Variants in PRKAR1A observed in about 807,000 individuals in gnomAD.
PRKAR1A encodes cAMP-dependent protein kinase type I-alpha regulatory subunit.
Under a neutral mutation model 52.0 loss-of-function variants are expected in PRKAR1A, and 3 were observed. That is an observed-to-expected ratio of 0.06 (90% CI 0.03 to 0.15). PRKAR1A has a LOEUF of 0.15. Ranked by LOEUF, PRKAR1A falls within the 10% of genes least tolerant of loss-of-function variation. The pLI is 1.00. For missense variants in PRKAR1A, 240 were observed against 477.4 expected, an observed-to-expected ratio of 0.50 and a Z score of 4.63; for synonymous variants, 188 against 168.4, an observed-to-expected ratio of 1.12 and a Z score of -0.90.
At chr17:68,451,048 G>A in the PRKAR1A span, 6 of 1,104,052 alleles carry the variant, frequency 5.4e-6, no homozygotes, top group Non-Finnish European at 7.5e-6. Context: ...CATTGACAGT[G>A]ATCCACCATG....
intron 11 of PRKAR1A, among the ~76,000 whole-genome samples, chr17:68,546,746 C>T (rs1290033465): frequency 1.4e-5 from 2 of 146,306 alleles, no homozygotes; most frequent in African/African-American, 2.5e-5. Flanking sequence ...AGGAGAATGG[C>T]GTGAACCCGG....
chr17:68,444,446 C>T, the PRKAR1A span: 30 of 1,548,420 alleles, frequency 1.9e-5, no homozygotes, highest in Admixed American at 3.6e-4. Context: ...GAAAGAAGCA[C>T]CAGGACATGA....
chr17:68,465,909 G>A, the PRKAR1A span, among the ~76,000 whole-genome samples: 11 of 152,246 alleles, frequency 7.2e-5, no homozygotes, highest in Middle Eastern at 3.4e-3. Flanking sequence ...CCAGGTGAGA[G>A]GCTGGTATGT....
chr17:68,518,525 T>C (rs1364171454), intron 2 of PRKAR1A, among the ~76,000 whole-genome samples: 3 of 152,204 alleles, frequency 2.0e-5, no homozygotes, highest in African/African-American at 7.2e-5. Context: ...AGCTGTACCT[T>C]TTAGCCAAGA....
At chr17:68,543,461 G>A (rs574079878) in intron 11 of PRKAR1A, among the ~76,000 whole-genome samples, 1 of 152,262 alleles carries the variant, frequency 6.6e-6, no homozygotes, top group African/African-American at 2.4e-5. Context: ...AATCTGGGGG[G>A]TTGCATGGGA....
chr17:68,434,973 G>A, the PRKAR1A span, among the ~76,000 whole-genome samples: 2 of 152,078 alleles, frequency 1.3e-5, no homozygotes, highest in Non-Finnish European at 2.9e-5. Flanking sequence ...AGGCCAAGGC[G>A]GGTGGATTGC....
At chr17:68,539,264 A>C in intron 11 of PRKAR1A, 1 of 1,509,098 alleles carries the variant, frequency 6.6e-7, no homozygotes, top group Non-Finnish European at 9.2e-7. Context: ...GAAGCCCTTC[A>C]GACCTTGGCT....
intron 11 of PRKAR1A, chr17:68,542,604 C>T (rs948200999): frequency 1.1e-5 from 11 of 962,750 alleles, no homozygotes; most frequent in African/African-American, 1.1e-4. Context: ...GTGCTAGCAG[C>T]AGGGTGTCAG....
chr17:68,426,945 G>A, the PRKAR1A span, among the ~76,000 whole-genome samples: 1 of 152,046 alleles, frequency 6.6e-6, no homozygotes, highest in Non-Finnish European at 1.5e-5. Context: ...CTATTACCAT[G>A]GCCTCACCTG....
At chr17:68,549,315 T>C (rs1469334859) in intron 11 of PRKAR1A, among the ~76,000 whole-genome samples, 1 of 152,062 alleles carries the variant, frequency 6.6e-6, no homozygotes, top group Non-Finnish European at 1.5e-5. Context: ...GCCAACGTGG[T>C]GAAACCCTGT....
chr17:68,460,716 T>A, the PRKAR1A span, among the ~76,000 whole-genome samples: 4 of 152,212 alleles, frequency 2.6e-5, no homozygotes, highest in African/African-American at 9.6e-5. Context: ...ATTTAAAAAA[T>A]GATGAAAACT....
chr17:68,464,493 C>T, the PRKAR1A span, among the ~76,000 whole-genome samples: 4 of 152,110 alleles, frequency 2.6e-5, no homozygotes, highest in Admixed American at 6.5e-5. Flanking sequence ...CCAGCCTGGC[C>T]AACACGGTGA....
chr17:68,507,626 T>C (rs2085214298), upstream of PRKAR1A, among the ~76,000 whole-genome samples: 1 of 152,118 alleles, frequency 6.6e-6, no homozygotes. Context: ...CTTCTGCACA[T>C]GTATCCCGAA....
chr17:68,484,640 A>C, the PRKAR1A span, among the ~76,000 whole-genome samples: 1 of 152,196 alleles, frequency 6.6e-6, no homozygotes. Context: ...GAAAGCATTC[A>C]GTCTTTCATC....
chr17:68,428,996 C>T, the PRKAR1A span: 1 of 1,333,136 alleles, frequency 7.5e-7, no homozygotes, highest in Non-Finnish European at 1.1e-6. Flanking sequence ...GGATTCGCTT[C>T]CAATGACAAA....
At chr17:68,450,915 C>T in the PRKAR1A span, 692 of 1,606,578 alleles carry the variant, frequency 4.3e-4, 4 homozygotes, top group African/African-American at 7.2e-3. Flanking sequence ...GAAAAGCAGC[C>T]GGGAGGTTAC....
chr17:68,500,388 C>T, the PRKAR1A span, among the ~76,000 whole-genome samples: 1 of 152,210 alleles, frequency 6.6e-6, no homozygotes, highest in Non-Finnish European at 1.5e-5. Flanking sequence ...CTCATTTTCT[C>T]TCTTGTCTGC....
chr17:68,544,668 C>G (rs2086466048), intron 11 of PRKAR1A, among the ~76,000 whole-genome samples: 1 of 152,118 alleles, frequency 6.6e-6, no homozygotes, highest in African/African-American at 2.4e-5. Flanking sequence ...GAGGTGCTGC[C>G]AAAAGTAGAG....
chr17:68,478,771 A>G, the PRKAR1A span, among the ~76,000 whole-genome samples: 1 of 149,352 alleles, frequency 6.7e-6, no homozygotes, highest in African/African-American at 2.5e-5. Flanking sequence ...TCTGTAGCCC[A>G]GGCTAGAGCA....
Sources: gnomAD v4.1 joint callset for allele counts (sites outside exome capture counted in the v4.1 genomes callset) on GRCh38, gnomAD v4.1.1 for gene constraint, MANE v1.5 for transcripts, NCBI Gene and HGNC (gene_info 2026-07-23, HGNC 2026-07-21) for gene names.